Variants in EPB41L4A observed in about 807,000 individuals in gnomAD.
The protein encoded by EPB41L4A is band 4.1-like protein 4A.
A neutral mutation model predicts 108.6 loss-of-function variants in EPB41L4A; 100 were observed. The ratio of observed to expected loss-of-function variants is 0.92; its 90% confidence interval spans 0.78 to 1.09. EPB41L4A has a LOEUF of 1.09. Among genes scored for constraint, EPB41L4A ranks in the 50% least tolerant of loss-of-function variants. EPB41L4A has a pLI of 0.00. For missense variants in EPB41L4A, 1,030 were observed against 842.7 expected, an observed-to-expected ratio of 1.22 and a Z score of -2.75; for synonymous variants, 319 against 289.0, an observed-to-expected ratio of 1.10 and a Z score of -1.05.
chr5:112,395,344 C>T (rs1283148384), intron 1 of EPB41L4A, among the ~76,000 whole-genome samples: 1 of 152,182 alleles, frequency 6.6e-6, no homozygotes, highest in Non-Finnish European at 1.5e-5. Flanking sequence ...GCAATCTACT[C>T]ATCTGACAAA....
intron 15 of EPB41L4A, among the ~76,000 whole-genome samples, chr5:112,203,697 T>C (rs925348168): frequency 5.9e-5 from 9 of 152,218 alleles, no homozygotes; most frequent in African/African-American, 2.2e-4. Flanking sequence ...TATCTTTAAG[T>C]GTAGTTTTGT....
intron 2 of EPB41L4A, among the ~76,000 whole-genome samples, chr5:112,305,539 T>C (rs1285343271): frequency 6.6e-6 from 1 of 152,170 alleles, no homozygotes; most frequent in Non-Finnish European, 1.5e-5. Context: ...TTTAAATCCT[T>C]ATTTGTTTTA....
downstream of EPB41L4A, chr5:112,160,740 C>G (rs558432752): frequency 6.4e-6 from 1 of 155,406 alleles, no homozygotes; most frequent in African/African-American, 2.4e-5. Context: ...GGCACTTCTC[C>G]CTCCGGCCAC....
intron 9 of EPB41L4A, among the ~76,000 whole-genome samples, chr5:112,243,387 G>T (rs1435924736): frequency 3.3e-5 from 5 of 151,860 alleles, no homozygotes; most frequent in Non-Finnish European, 7.4e-5. Flanking sequence ...AGTACAGTTA[G>T]CATCATTTGT....
At chr5:112,170,123 T>C (rs1296054960) in intron 20 of EPB41L4A, 178 bp downstream of exon 20, 9 of 616,296 alleles carry the variant, frequency 1.5e-5, no homozygotes, top group South Asian at 1.0e-4. Flanking sequence ...ATAGTGATTA[T>C]AGTGTAGAAT....
intron 1 of EPB41L4A, among the ~76,000 whole-genome samples, chr5:112,309,665 C>G (rs928297281): frequency 5.3e-5 from 8 of 152,122 alleles, no homozygotes; most frequent in African/African-American, 1.9e-4. Flanking sequence ...AATACCACCC[C>G]TATAATTGTG....
At chr5:112,403,316 CA>C (rs1761892421) in intron 1 of EPB41L4A, among the ~76,000 whole-genome samples, 1 of 136,692 alleles carries the variant, frequency 7.3e-6, no homozygotes, top group Non-Finnish European at 1.6e-5. Context: ...AATGATTTAT[CA>C]AGGTCCTCAT....
intron 12 of EPB41L4A, among the ~76,000 whole-genome samples, chr5:112,149,905 G>A (rs1030444864): frequency 1.8e-4 from 27 of 152,126 alleles, no homozygotes; most frequent in Admixed American, 1.8e-3. Context: ...GGAGTTAGGA[G>A]ATAAGACATG....
At chr5:112,218,911 T>C (rs1200685643) in intron 12 of EPB41L4A, among the ~76,000 whole-genome samples, 1 of 152,170 alleles carries the variant, frequency 6.6e-6, no homozygotes, top group Non-Finnish European at 1.5e-5. Flanking sequence ...AGGATATAAT[T>C]TGAAGTATAA....
intron 1 of EPB41L4A, among the ~76,000 whole-genome samples, chr5:112,360,797 C>G (rs1017978793): frequency 1.3e-5 from 2 of 152,062 alleles, no homozygotes; most frequent in African/African-American, 4.8e-5. Flanking sequence ...AAGAGCGTCT[C>G]TGCCCGGCCG....
At chr5:112,369,486 A>G (rs1759346025) in intron 1 of EPB41L4A, among the ~76,000 whole-genome samples, 1 of 152,174 alleles carries the variant, frequency 6.6e-6, no homozygotes, top group African/African-American at 2.4e-5. Context: ...TCCAGGTCCC[A>G]TCTACTTATC....
In EPB41L4A at chr5:112,238,783, G is replaced by C. The variant is rs116821720; in HGVS notation, c.965+877C>G. 5.8e-3 allele frequency among the ~76,000 whole-genome samples: 879 copies of C among 152,240 alleles called. 3 individuals are homozygous for C. The highest frequency in any genetic ancestry group is 0.01 in the Middle Eastern group (3 of 294). The stretch of plus-strand genomic sequence containing the variant: ...CAGAAGTGGGTAGATCTGATTCTTT[G>C]TATCTCTAGGTACCTAATACTATGC... On this transcript the variant is annotated intron_variant, in intron 11 of 22. Transcript: ENST00000261486.
intron 22 of EPB41L4A, among the ~76,000 whole-genome samples, chr5:112,168,432 GC>G (rs1177951978): frequency 2.0e-5 from 3 of 152,052 alleles, no homozygotes; most frequent in African/African-American, 7.2e-5. Context: ...TGTTACTATC[GC>G]TTTTTAATTA....
chr5:112,377,887 T>G (rs1434010347), intron 1 of EPB41L4A, among the ~76,000 whole-genome samples: 1 of 152,034 alleles, frequency 6.6e-6, no homozygotes, highest in Non-Finnish European at 1.5e-5. Flanking sequence ...ATCTTTTACA[T>G]TACAACAAAC....
chr5:112,291,042 C>T (rs1307665121), intron 2 of EPB41L4A, among the ~76,000 whole-genome samples: 1 of 152,180 alleles, frequency 6.6e-6, no homozygotes, highest in Non-Finnish European at 1.5e-5. Context: ...CCAGCCTACT[C>T]CCCTACTCCC....
At chr5:112,261,181 G>T (rs1751461270) in intron 7 of EPB41L4A, among the ~76,000 whole-genome samples, 1 of 152,122 alleles carries the variant, frequency 6.6e-6, no homozygotes, top group Non-Finnish European at 1.5e-5. Flanking sequence ...AATGAAATTG[G>T]AATCTAATAT....
At chr5:112,366,682 G>A (rs577554448) in intron 1 of EPB41L4A, among the ~76,000 whole-genome samples, 1 of 152,046 alleles carries the variant, frequency 6.6e-6, no homozygotes, top group South Asian at 2.1e-4. Flanking sequence ...TACAACCAGA[G>A]GACTTAATGT....
chr5:112,388,619 C>T (rs148363530), intron 1 of EPB41L4A, among the ~76,000 whole-genome samples: 16 of 152,080 alleles, frequency 1.1e-4, no homozygotes, highest in Non-Finnish European at 7.4e-5. Context: ...ACCTCAAATG[C>T]GAAGGCTGCC....
At chr5:112,230,611 T>C (rs769916050) in intron 12 of EPB41L4A, among the ~76,000 whole-genome samples, 6 of 152,246 alleles carry the variant, frequency 3.9e-5, no homozygotes, top group African/African-American at 1.4e-4. Context: ...CAGTTCCTCG[T>C]AGATTCTGGA....
Sources: allele counts gnomAD v4.1 joint callset (sites outside exome capture counted in the v4.1 genomes callset), GRCh38; gene constraint gnomAD v4.1.1; transcripts MANE v1.5; gene names NCBI Gene and HGNC (gene_info 2026-07-23, HGNC 2026-07-21).